The following MARCHF4 variants were observed in gnomAD, a reference collection of about 807,000 sequenced individuals.
MARCHF4 encodes the protein membrane associated ring-CH-type finger 4.
Under a neutral mutation model 43.9 loss-of-function variants are expected in MARCHF4, and 14 were observed. That is an observed-to-expected ratio of 0.32 (90% confidence interval 0.21 to 0.50). The LOEUF is 0.50. Ranked by LOEUF, MARCHF4 falls within the 20% of genes least tolerant of loss-of-function variation. MARCHF4 has a pLI of 0.98. For synonymous variants in MARCHF4, 226 were observed against 213.3 expected, an observed-to-expected ratio of 1.06 and a Z score of -0.52; for missense variants, 468 against 536.7, an observed-to-expected ratio of 0.87 and a Z score of 1.27.
chr2:216,341,109 G>A (rs7596321), intron 1 of MARCHF4, among the ~76,000 whole-genome samples: 9,951 of 152,198 alleles, frequency 0.065, 423 homozygotes, highest in South Asian at 0.2. Flanking sequence ...GGAACTATTC[G>A]GAGGAGGCAG....
At chr2:216,304,997 A>T (rs1691560226) in intron 1 of MARCHF4, among the ~76,000 whole-genome samples, 1 of 152,186 alleles carries the variant, frequency 6.6e-6, no homozygotes, top group African/African-American at 2.4e-5. Context: ...AAGTCATTCA[A>T]TTCAGCATGC....
In MARCHF4 at chr2:216,259,231, G is replaced by T. The variant is rs1413823888; in HGVS notation, c.*81C>A. 4 of 1,489,080 alleles carry T rather than the reference G, an allele frequency of 2.7e-6. No homozygotes were observed. Among genetic ancestry groups the T allele is most frequent in the Non-Finnish European group, 3.6e-6 (4 of 1,123,406 alleles). The allele number at this position is 1,489,080 out of a possible 1,614,324, so 92.2% of individuals were successfully genotyped here. A position where few individuals can be genotyped will look rare whatever the true frequency, so the allele number is the denominator to read the frequency against. On this transcript the variant is annotated 3_prime_UTR_variant, in exon 4 of 4. Coordinates refer to ENST00000273067, the MANE Select transcript of MARCHF4 (RefSeq NM_020814.3). Reference sequence around the variant, plus strand: ...CACCCTCTGCCTGCTCCCTCTGTTGGCTCTGGGGGTGCCACTGCACCTCCC... The same window carrying T: ...CACCCTCTGCCTGCTCCCTCTGTTGTCTCTGGGGGTGCCACTGCACCTCCC...
At chr2:216,359,835 A>T (rs1692550290) in intron 1 of MARCHF4, among the ~76,000 whole-genome samples, 1 of 152,174 alleles carries the variant, frequency 6.6e-6, no homozygotes, top group African/African-American at 2.4e-5. Context: ...ATAAAAAGTC[A>T]CTTTCTTCAT....
intron 1 of MARCHF4, among the ~76,000 whole-genome samples, chr2:216,366,473 G>C (rs1692666689): frequency 6.6e-6 from 1 of 152,124 alleles, no homozygotes. Flanking sequence ...GAGCCAAGTA[G>C]GTTCTCAAAG....
At chr2:216,309,220 G>A (rs998369348) in intron 1 of MARCHF4, among the ~76,000 whole-genome samples, 5 of 152,182 alleles carry the variant, frequency 3.3e-5, no homozygotes, top group African/African-American at 1.2e-4. Flanking sequence ...GTCTTTCAGG[G>A]AAGAGGTTTT....
chr2:216,259,429 C>T lies in MARCHF4; in HGVS notation c.1116G>A (p.Leu372=). Residue 372 remains leucine (L), a synonymous_variant, in exon 4 of 4, where the codon CTG becomes CTA. Coordinates refer to ENST00000273067, the MANE Select transcript of MARCHF4 (RefSeq NM_020814.3). ...AQAAGHPSGP[L]SHHHCAYTIL... The stretch of plus-strand genomic sequence containing the variant: ...TGGTATAAGCACAGTGGTGATGGGA[C>T]AGAGGGCCTGAGGGGTGGCCGGCAG... The T allele has an allele frequency of 6.2e-7, 1 of 1,614,042 alleles. No individual in the cohort carries two copies. The highest frequency in any genetic ancestry group is 2.2e-5 in the East Asian group (1 of 44,860).
intron 1 of MARCHF4, among the ~76,000 whole-genome samples, chr2:216,310,392 G>A (rs546289278): frequency 6.6e-6 from 1 of 152,152 alleles, no homozygotes; most frequent in African/African-American, 2.4e-5. Flanking sequence ...CTCCCGAGTA[G>A]CTGGGACTAC....
intron 3 of MARCHF4, among the ~76,000 whole-genome samples, chr2:216,262,229 C>T (rs1234438551): frequency 1.3e-5 from 2 of 152,102 alleles, no homozygotes; most frequent in African/African-American, 4.8e-5. Flanking sequence ...AGAATTAGCT[C>T]ACTGTGTTAA....
At chr2:216,273,439 T>G (rs1690971151) in intron 3 of MARCHF4, among the ~76,000 whole-genome samples, 1 of 152,214 alleles carries the variant, frequency 6.6e-6, no homozygotes, top group African/African-American at 2.4e-5. Context: ...ATGATAACAT[T>G]TTTATCTCAG....
At chr2:216,317,132 C>T (rs1691790723) in intron 1 of MARCHF4, among the ~76,000 whole-genome samples, 1 of 152,190 alleles carries the variant, frequency 6.6e-6, no homozygotes, top group South Asian at 2.1e-4. Flanking sequence ...CCCCCCAAAG[C>T]CATACTCTTT....
At chr2:216,347,398 G>A (rs937141551) in intron 1 of MARCHF4, among the ~76,000 whole-genome samples, 1 of 152,204 alleles carries the variant, frequency 6.6e-6, no homozygotes, top group African/African-American at 2.4e-5. Flanking sequence ...CAAAGGCTTA[G>A]TAATCCAGGA....
At chr2:216,328,039 C>T (rs971202012) in intron 1 of MARCHF4, among the ~76,000 whole-genome samples, 3 of 151,860 alleles carry the variant, frequency 2.0e-5, no homozygotes, top group African/African-American at 7.3e-5. Context: ...GCTGCCTGCA[C>T]ATAGCCCATA....
chr2:216,315,079 T>G (rs376710319), intron 1 of MARCHF4, among the ~76,000 whole-genome samples: 2 of 152,282 alleles, frequency 1.3e-5, no homozygotes, highest in East Asian at 3.9e-4. Context: ...TTGAAAGTAC[T>G]TAAAACTAAA....
At chr2:216,336,567 T>C (rs1692159492) in intron 1 of MARCHF4, among the ~76,000 whole-genome samples, 1 of 151,902 alleles carries the variant, frequency 6.6e-6, no homozygotes, top group East Asian at 1.9e-4. Flanking sequence ...GTCTGTTCTG[T>C]CTGTCTTTGG....
intron 1 of MARCHF4, among the ~76,000 whole-genome samples, chr2:216,301,426 C>G (rs1691491899): frequency 6.6e-6 from 1 of 152,222 alleles, no homozygotes; most frequent in African/African-American, 2.4e-5. Context: ...GTTACTGTCA[C>G]TTGTATTGTC....
chr2:216,352,569 C>T lies in MARCHF4; in HGVS notation c.516+17176G>A, dbSNP rs1692419269. Among the ~76,000 whole-genome samples, 2 of 152,180 alleles carry T rather than the reference C, an allele frequency of 1.3e-5. 1 individual carries two copies. The highest frequency in any genetic ancestry group is 4.2e-4 in the South Asian group (2 of 4,818). On this transcript the variant is annotated intron_variant, in intron 1 of 3. Transcript: ENST00000273067. ...ACAGGGTCCCACTATGTTGCCCAGG[C>T]TGGTCCTGAACTCCTGGGCTCAAGC...
At chr2:216,283,500 G>T in intron 2 of MARCHF4, 74 bp downstream of exon 2, 1 of 1,491,324 alleles carries the variant, frequency 6.7e-7, no homozygotes, top group Non-Finnish European at 9.1e-7. Context: ...CTAAGGTGAA[G>T]TAAGCCTCCT....
chr2:216,270,448 C>T lies in MARCHF4; in HGVS notation c.865+7224G>A, dbSNP rs574716582. On this transcript the variant is annotated intron_variant, in intron 3 of 3. Transcript: ENST00000273067. Reference sequence around the variant, plus strand: ...GTCACCAACCCTTGTCAGAACAGGACCAATGCCCTCAACATCTTCCTCTAC... The same window carrying T: ...GTCACCAACCCTTGTCAGAACAGGATCAATGCCCTCAACATCTTCCTCTAC... Among the ~76,000 whole-genome samples the T allele has an allele frequency of 2.0e-5, 3 of 152,208 alleles. No homozygotes were observed. In the East Asian group the frequency reaches 5.8e-4, roughly 29 times the overall value.
At chr2:216,325,571 C>T (rs1412146542) in intron 1 of MARCHF4, among the ~76,000 whole-genome samples, 2 of 152,150 alleles carry the variant, frequency 1.3e-5, no homozygotes, top group African/African-American at 2.4e-5. Flanking sequence ...AACTATACTA[C>T]AAGGCTACAG....
Sources: allele counts gnomAD v4.1 joint callset (sites outside exome capture counted in the v4.1 genomes callset), GRCh38; gene constraint gnomAD v4.1.1; transcripts MANE v1.5; gene names NCBI Gene and HGNC (gene_info 2026-07-23, HGNC 2026-07-21).